Variants in TNRC18 observed in about 807,000 individuals in gnomAD.
TNRC18 encodes trinucleotide repeat containing 18, also known as trinucleotide repeat-containing gene 18 protein.
In TNRC18, 69 loss-of-function variants were observed where a neutral mutation model predicts 226.7. That is an observed-to-expected ratio of 0.30 (90% CI 0.25 to 0.37). TNRC18 has a LOEUF of 0.37. Ranked by LOEUF, TNRC18 falls within the 10% of genes least tolerant of loss-of-function variation. TNRC18 has a pLI of 1.00. For synonymous variants in TNRC18, 2,449 were observed against 1,927.6 expected (o/e 1.27, Z -7.09); for missense variants, 4,754 against 4,256.6 (o/e 1.12, Z -3.25).
chr7:5,403,712 G>A (rs1306403447), intron 2 of TNRC18, among the ~76,000 whole-genome samples: 3 of 151,738 alleles, frequency 2.0e-5, no homozygotes, highest in African/African-American at 4.8e-5. Flanking sequence ...AGGATCATTT[G>A]AGCCCAGGAA....
chr7:5,309,059 C>T lies in TNRC18; in HGVS notation c.8625+73G>A. On this transcript the variant is annotated intron_variant, in intron 28 of 29. Coordinates refer to ENST00000430969, the MANE Select transcript of TNRC18 (RefSeq NM_001080495.3). This position sits in a 1 kb window ranked among gnomAD's most constrained non-coding sequence, Gnocchi z 5.7. ...GGGCAGGGCTGCTGATGCTCCAGCACCCAGAACGCCTCGCCCTCAGGTCTG... is the reference window on the plus strand; with the variant it reads ...GGGCAGGGCTGCTGATGCTCCAGCATCCAGAACGCCTCGCCCTCAGGTCTG... The T allele has an allele frequency of 6.7e-7, 1 of 1,499,130 alleles. No homozygotes were observed. The highest frequency in any genetic ancestry group is 9.1e-7 in the Non-Finnish European group (1 of 1,101,206). 92.9% of individuals were successfully genotyped at this position (1,499,130 alleles called of 1,614,324 possible).
intron 17 of TNRC18, among the ~76,000 whole-genome samples, chr7:5,346,206 A>G (rs1418617762): frequency 2.0e-5 from 3 of 152,184 alleles, no homozygotes; most frequent in Non-Finnish European, 4.4e-5. Context: ...AGGAAAGAGG[A>G]AGCGGAGGGA....
At chr7:5,345,525 C>CCCCCCCCCCCCCCCCCCCCCCCCA in intron 18 of TNRC18, 37 bp downstream of exon 18, 1 of 217,344 alleles carries the variant, frequency 4.6e-6, no homozygotes, top group East Asian at 1.8e-4. Context: ...CCGCCCCTCC[C>CCCCCCCCCCCCCCCCCCCCCCCCA]ACCCACCCCC....
chr7:5,327,504 G>A (rs569310523), intron 19 of TNRC18, among the ~76,000 whole-genome samples: 1 of 151,944 alleles, frequency 6.6e-6, no homozygotes, highest in Non-Finnish European at 1.5e-5. Context: ...AAGAATGTTA[G>A]TGGCGCTGTC....
At chr7:5,380,722 C>T (rs1388130743) in intron 5 of TNRC18, among the ~76,000 whole-genome samples, 3 of 152,202 alleles carry the variant, frequency 2.0e-5, no homozygotes, top group East Asian at 1.9e-4. Flanking sequence ...GTGGACCTCA[C>T]GGGGAAACTG....
At chr7:5,390,381 C>CAAA (rs1780200064) in intron 4 of TNRC18, 104 bp downstream of exon 4, 1 of 1,140,842 alleles carries the variant, frequency 8.8e-7, no homozygotes, top group African/African-American at 1.8e-5. Context: ...AAAAAAAAAG[C>CAAA]CAGCATCCTG....
chr7:5,379,783 G>C (rs950776114), intron 5 of TNRC18, among the ~76,000 whole-genome samples: 5 of 152,206 alleles, frequency 3.3e-5, no homozygotes, highest in Non-Finnish European at 7.4e-5. Context: ...CCTGCCCGTC[G>C]GCTCCCAGGT....
intron 12 of TNRC18, 78 bp downstream of exon 12, chr7:5,362,572 C>A: frequency 7.4e-7 from 1 of 1,357,736 alleles, no homozygotes. Flanking sequence ...ACGCCCCAGG[C>A]AGTAGGGCAC....
intron 11 of TNRC18, among the ~76,000 whole-genome samples, chr7:5,364,757 T>C (rs894118021): frequency 5.2e-5 from 7 of 134,768 alleles, no homozygotes; most frequent in Admixed American, 3.4e-4. Context: ...GGAGGCATGA[T>C]AGCCCCACTG....
intron 25 of TNRC18, among the ~76,000 whole-genome samples, chr7:5,315,370 C>T (rs1168714477): frequency 6.6e-6 from 1 of 151,788 alleles, no homozygotes; most frequent in South Asian, 2.1e-4. Flanking sequence ...AAACAAAGCA[C>T]TTTGTGGAAC....
rs745386988 is a variant in TNRC18, at chr7:5,359,528, A to G, written c.4703T>C (p.Leu1568Pro). The change falls in exon 15 of 30, where the codon CTG (leucine) becomes CCG (proline). Residue 1568 changes from leucine to proline, a missense_variant. Leu to Pro is a moderately conservative substitution (Grantham distance 98, BLOSUM62 -3). Transcript: ENST00000430969. ...GTGTCTCTTTCTTATCCCTGCTCCC[A>G]GCTCATAATCATCTGATGTCAGCAG... ...KSLLTSDDYE[L>P]GAGIRKRHKG... 25 of 1,613,810 alleles carry G rather than the reference A, an allele frequency of 1.5e-5. No homozygotes were observed. The highest frequency in any genetic ancestry group is 2.1e-5 in the Non-Finnish European group (25 of 1,179,888).
At position 5,333,027 on chromosome 7, in the gene TNRC18, G is replaced by C; in HGVS notation, c.5742C>G (p.Asp1914Glu). 1.3e-6 allele frequency: 2 copies of C among 1,578,468 alleles called. No homozygotes were observed. Among genetic ancestry groups the C allele is most frequent in the Non-Finnish European group, 1.7e-6 (2 of 1,170,444 alleles). The change falls in exon 19 of 30, where the codon GAC becomes GAG. Residue 1914 changes from aspartate to glutamate, a missense_variant. Coordinates refer to ENST00000430969, the MANE Select transcript of TNRC18 (RefSeq NM_001080495.3). ...SLLGTEFEYT[D>E]SESEVKVRKR... ...TGCGCACCTTGACCTCGCTCTCTGAGTCGGTGTACTCGAACTCTGTGCCTG... is the reference window on the plus strand; with the variant it reads ...TGCGCACCTTGACCTCGCTCTCTGACTCGGTGTACTCGAACTCTGTGCCTG...
chr7:5,388,680 C>A lies in TNRC18; in HGVS notation c.1144G>T (p.Asp382Tyr), dbSNP rs1333638028. 1 of 1,265,444 alleles carries A rather than the reference C, an allele frequency of 7.9e-7. No individual in the cohort carries two copies. The highest frequency in any genetic ancestry group is 1.0e-6 in the Non-Finnish European group (1 of 1,003,016). 78.4% of individuals were successfully genotyped at this position (1,265,444 alleles called of 1,614,324 possible). The change falls in exon 5 of 30, where the codon GAC (aspartate) becomes TAC (tyrosine). Residue 382 changes from aspartate to tyrosine, a missense_variant. Coordinates refer to ENST00000430969, the MANE Select transcript of TNRC18 (RefSeq NM_001080495.3). ...ATCTGGATGGGCCCCGGGCGCTCGT[C>A]GAAGGCCTCCACGGAAGGCACGAAG... The part of the protein sequence containing the change: ...PTFVPSVEAF[D>Y]ERPGPIQIAS...
At chr7:5,418,234 G>A (rs1782312640) in intron 2 of TNRC18, among the ~76,000 whole-genome samples, 1 of 152,206 alleles carries the variant, frequency 6.6e-6, no homozygotes, top group Non-Finnish European at 1.5e-5. Flanking sequence ...CCATCTCCCA[G>A]ATCAGGCTGT....
Position 5,321,143 on chromosome 7 carries a change from G to A in TNRC18, c.6490C>T (p.Arg2164Cys). Reference protein sequence around the residue: ...IDKDELKDGLRVLIPMDDKLL... With the variant: ...IDKDELKDGLCVLIPMDDKLL... ...TTGTCATCCATGGGGATGAGCACAC[G>A]CAGGCCGTCCTTCAGCTCATCCTTG... The change falls in exon 22 of 30, where the codon CGT (arginine) becomes TGT (cysteine). Residue 2164 changes from arginine (R) to cysteine (C), a missense_variant. Arg to Cys is a radical substitution (Grantham distance 180, BLOSUM62 -3). Coordinates refer to ENST00000430969, the MANE Select transcript of TNRC18 (RefSeq NM_001080495.3). The A allele has an allele frequency of 3.2e-6, 5 of 1,554,502 alleles. No individual in the cohort carries two copies. Among genetic ancestry groups the A allele is most frequent in the South Asian group, 2.4e-5 (2 of 84,214 alleles).
At chr7:5,389,460 G>GGTTTTTT (rs916179519) in intron 4 of TNRC18, 124 bp from the exon 5 acceptor site, 1 of 535,264 alleles carries the variant, frequency 1.9e-6, no homozygotes, top group African/African-American at 7.0e-5. Context: ...TTTTGGTTTT[G>GGTTTTTT]GTTTTTTTTT....
chr7:5,380,746 C>T (rs1237168714), intron 5 of TNRC18, among the ~76,000 whole-genome samples: 1 of 152,190 alleles, frequency 6.6e-6, no homozygotes, highest in Non-Finnish European at 1.5e-5. Flanking sequence ...CCCAGAAGGG[C>T]AGTGACAGGT....
chr7:5,413,171 G>C (rs1781949059), intron 2 of TNRC18, among the ~76,000 whole-genome samples: 2 of 152,168 alleles, frequency 1.3e-5, no homozygotes, highest in South Asian at 2.1e-4. Flanking sequence ...GCAAGGGTCT[G>C]GCTGGAGGAC....
intron 11 of TNRC18, among the ~76,000 whole-genome samples, chr7:5,364,135 C>T (rs920575566): frequency 3.3e-5 from 5 of 152,132 alleles, no homozygotes; most frequent in Non-Finnish European, 5.9e-5. Context: ...CCTGTCTCTA[C>T]TAAAAATTCA....
Sources: gnomAD v4.1 joint callset for allele counts (sites outside exome capture counted in the v4.1 genomes callset) on GRCh38, gnomAD v4.1.1 for gene constraint, Gnocchi (gnomAD v3.1) non-coding constraint, MANE v1.5 for transcripts, NCBI Gene and HGNC (gene_info 2026-07-23, HGNC 2026-07-21) for gene names.